DOK5: variants seen among roughly 807,000 people sequenced by gnomAD.
DOK5 encodes the protein downstream of tyrosine kinase 5.
A neutral mutation model predicts 43.3 loss-of-function variants in DOK5; 27 were observed. The observed-to-expected ratio is 0.62, with a 90% CI of 0.46 to 0.86. The LOEUF (loss-of-function observed/expected upper bound fraction) is 0.86, where lower values mean the gene tolerates loss of function less well. Ranked by LOEUF, DOK5 falls within the 40% of genes least tolerant of loss-of-function variation. DOK5 has a pLI of 0.00. For synonymous variants in DOK5, 146 were observed against 140.1 expected (o/e 1.04, Z -0.30); for missense variants, 373 against 392.9 (o/e 0.95, Z 0.43).
chr20:54,647,706 T>G (rs1008673500), intron 7 of DOK5, among the ~76,000 whole-genome samples: 1 of 150,856 alleles, frequency 6.6e-6, no homozygotes, highest in Admixed American at 6.6e-5. Flanking sequence ...GAAAGGTTAC[T>G]GTGGTCAAAC....
rs1478362583 is a variant in DOK5 at position 54,475,642 on chromosome 20, C to A, written c.-305C>A. The A allele has an allele frequency of 2.1e-6, 1 of 484,468 alleles. No homozygotes were observed. The highest frequency in any genetic ancestry group is 3.7e-6 in the Non-Finnish European group (1 of 269,812). 30.0% of individuals were successfully genotyped at this position (484,468 alleles called of 1,614,324 possible). A position where few individuals can be genotyped will look rare whatever the true frequency, so the allele number is the denominator to read the frequency against. ...GAGGAGGCAGGGCTGGATCCCTCAG[C>A]CGCCGCCGCTCCTCCTCCTGGCAGG... On this transcript the variant is annotated 5_prime_UTR_variant, in exon 1 of 8. Transcript: ENST00000262593. The surrounding 1 kb of genome is among the most constrained non-coding windows in gnomAD (Gnocchi z 4.2).
intron 5 of DOK5, among the ~76,000 whole-genome samples, chr20:54,605,063 G>A (rs375348378): frequency 9.2e-5 from 13 of 141,242 alleles, no homozygotes; most frequent in Admixed American, 6.3e-4. Context: ...ACACACACAC[G>A]TTGAGGTCAA....
Position 54,551,019 on chromosome 20 carries a change from T to C in DOK5, c.67-3914T>C, listed in dbSNP as rs193214564. Among the ~76,000 whole-genome samples the C allele has an allele frequency of 1.9e-3, 287 of 152,332 alleles. 2 individuals carry two copies. The highest frequency in any genetic ancestry group is 3.0e-3 in the Non-Finnish European group (206 of 68,020). ...TACCATGTTGCATTCCCACCAACTATGTATGAGTCATCCAATTTTTCCACA... is the reference window on the plus strand; with the variant it reads ...TACCATGTTGCATTCCCACCAACTACGTATGAGTCATCCAATTTTTCCACA... On this transcript the variant is annotated intron_variant, in intron 1 of 7. Coordinates refer to ENST00000262593, the MANE Select transcript of DOK5 (RefSeq NM_018431.5).
intron 1 of DOK5, among the ~76,000 whole-genome samples, chr20:54,511,444 T>C (rs762509311): frequency 3.3e-5 from 5 of 152,198 alleles, no homozygotes; most frequent in Non-Finnish European, 7.4e-5. Flanking sequence ...GAAAGTAAAG[T>C]AGAAAAGGTG....
At chr20:54,478,176 C>T (rs1981511209) in intron 1 of DOK5, among the ~76,000 whole-genome samples, 1 of 152,154 alleles carries the variant, frequency 6.6e-6, no homozygotes. Context: ...GGTTTTCTCA[C>T]CAGTTAATTT....
chr20:54,541,636 C>T (rs983603576), intron 1 of DOK5, among the ~76,000 whole-genome samples: 2 of 152,072 alleles, frequency 1.3e-5, no homozygotes, highest in East Asian at 3.9e-4. Flanking sequence ...GGGGATTCAC[C>T]ACATTGGCCA....
chr20:54,493,113 A>G (rs1204809782), intron 1 of DOK5, among the ~76,000 whole-genome samples: 4 of 151,408 alleles, frequency 2.6e-5, no homozygotes, highest in Admixed American at 2.0e-4. Context: ...TCCTTGGCTC[A>G]ATCCCCCACT....
At chr20:54,514,268 G>A (rs1450735072) in intron 1 of DOK5, among the ~76,000 whole-genome samples, 1 of 152,072 alleles carries the variant, frequency 6.6e-6, no homozygotes, top group African/African-American at 2.4e-5. Context: ...GAATAATTCT[G>A]CAAAGCCCTC....
At chr20:54,605,125 A>G (rs930880198) in intron 5 of DOK5, among the ~76,000 whole-genome samples, 1 of 151,644 alleles carries the variant, frequency 6.6e-6, no homozygotes, top group Non-Finnish European at 1.5e-5. Flanking sequence ...ACACACACAC[A>G]CAAACACACA....
At chr20:54,629,086 C>G (rs1291901202) in intron 6 of DOK5, among the ~76,000 whole-genome samples, 2 of 152,202 alleles carry the variant, frequency 1.3e-5, no homozygotes, top group Admixed American at 6.5e-5. Context: ...CTCTGCTGCT[C>G]TCCTTTGAAT....
chr20:54,519,134 G>T (rs1330497338), intron 1 of DOK5, among the ~76,000 whole-genome samples: 1 of 152,184 alleles, frequency 6.6e-6, no homozygotes, highest in Non-Finnish European at 1.5e-5. Flanking sequence ...GGCTTGTGGA[G>T]TTGCTTAACA....
chr20:54,522,337 T>C (rs980333354), intron 1 of DOK5, among the ~76,000 whole-genome samples: 1 of 152,168 alleles, frequency 6.6e-6, no homozygotes, highest in Non-Finnish European at 1.5e-5. Flanking sequence ...AAGCTTGCCA[T>C]AGACACTCAA....
chr20:54,490,545 G>A (rs1982123597), intron 1 of DOK5, among the ~76,000 whole-genome samples: 2 of 152,048 alleles, frequency 1.3e-5, no homozygotes, highest in African/African-American at 2.4e-5. Flanking sequence ...CATTTATGTT[G>A]TTCCTGGGTA....
At chr20:54,532,548 G>T (rs909861299) in intron 1 of DOK5, among the ~76,000 whole-genome samples, 9 of 152,204 alleles carry the variant, frequency 5.9e-5, no homozygotes, top group Admixed American at 5.9e-4. Flanking sequence ...AAGGAGCCTG[G>T]TGTGTGGGAG....
At chr20:54,638,069 C>T (rs1267202097) in intron 6 of DOK5, among the ~76,000 whole-genome samples, 1 of 148,566 alleles carries the variant, frequency 6.7e-6, no homozygotes, top group Non-Finnish European at 1.5e-5. Context: ...TTGCAGTGAG[C>T]CGAGATCATG....
chr20:54,568,983 CAAA>C (rs10542523), intron 2 of DOK5, among the ~76,000 whole-genome samples: 1,087 of 96,172 alleles, frequency 0.011, 15 homozygotes, highest in African/African-American at 0.037. Flanking sequence ...GACTAAAACG[CAAA>C]AAAAAAAAAA....
At chr20:54,569,275 G>T (rs1226644130) in intron 2 of DOK5, among the ~76,000 whole-genome samples, 1 of 152,130 alleles carries the variant, frequency 6.6e-6, no homozygotes, top group African/African-American at 2.4e-5. Flanking sequence ...TCAAAATATT[G>T]TGGTTAATGA....
At chr20:54,598,731 AG>A (rs776346083) in intron 5 of DOK5, among the ~76,000 whole-genome samples, 4 of 152,236 alleles carry the variant, frequency 2.6e-5, no homozygotes, top group Admixed American at 6.5e-5. Context: ...TCGTTTTAAG[AG>A]AAACTTTTAG....
At chr20:54,526,260 T>G (rs985731228) in intron 1 of DOK5, among the ~76,000 whole-genome samples, 11 of 152,084 alleles carry the variant, frequency 7.2e-5, no homozygotes, top group African/African-American at 2.2e-4. Flanking sequence ...AAAGACAGGC[T>G]GTTTAAAGAG....
Sources: gnomAD v4.1 joint callset for allele counts (sites outside exome capture counted in the v4.1 genomes callset) on GRCh38, gnomAD v4.1.1 for gene constraint, Gnocchi (gnomAD v3.1) non-coding constraint, MANE v1.5 for transcripts, NCBI Gene and HGNC (gene_info 2026-07-23, HGNC 2026-07-21) for gene names.